Variants in ASTN1 observed in about 807,000 individuals in gnomAD.
The protein encoded by ASTN1 is astrotactin-1.
In ASTN1, 41 loss-of-function variants were observed where a neutral mutation model predicts 140.7. That is an observed-to-expected ratio of 0.29 (90% CI 0.23 to 0.38). The LOEUF (loss-of-function observed/expected upper bound fraction) is 0.38, where lower values mean the gene tolerates loss of function less well. Among genes scored for constraint, ASTN1 ranks in the 10% least tolerant of loss-of-function variants. The pLI is 1.00. For missense variants in ASTN1, 1,479 were observed against 1,678.8 expected, an observed-to-expected ratio of 0.88 and a Z score of 2.08; for synonymous variants, 640 against 652.2, an observed-to-expected ratio of 0.98 and a Z score of 0.29.
chr1:176,974,977 C>T (rs370708221), intron 8 of ASTN1, among the ~76,000 whole-genome samples: 1 of 152,192 alleles, frequency 6.6e-6, no homozygotes, highest in African/African-American at 2.4e-5. Flanking sequence ...CCTTGACTCC[C>T]AGCACCTGTC....
At chr1:176,905,007 A>G (rs1339777132) in intron 16 of ASTN1, among the ~76,000 whole-genome samples, 1 of 152,138 alleles carries the variant, frequency 6.6e-6, no homozygotes, top group East Asian at 1.9e-4. Context: ...TGCTCTCTTT[A>G]TGACTCCATT....
intron 5 of ASTN1, among the ~76,000 whole-genome samples, chr1:177,029,117 G>A (rs1676285973): frequency 6.6e-6 from 1 of 152,186 alleles, no homozygotes. Context: ...AAGGAACTGG[G>A]AGGCTCGGGG....
chr1:176,868,183 A>G (rs937796557), intron 22 of ASTN1, among the ~76,000 whole-genome samples: 3 of 152,202 alleles, frequency 2.0e-5, no homozygotes, highest in African/African-American at 7.2e-5. Flanking sequence ...AAGCAGCAAT[A>G]TACAGTTATG....
At chr1:177,071,033 C>A (rs970700228) in intron 1 of ASTN1, among the ~76,000 whole-genome samples, 4 of 152,166 alleles carry the variant, frequency 2.6e-5, no homozygotes, top group Non-Finnish European at 5.9e-5. Context: ...ATAGCTTCAG[C>A]TGCTTAAACG....
intron 1 of ASTN1, among the ~76,000 whole-genome samples, chr1:177,092,196 A>C (rs758483712): frequency 6.6e-6 from 1 of 152,136 alleles, no homozygotes; most frequent in Non-Finnish European, 1.5e-5. Flanking sequence ...CACTCACCCT[A>C]GAGGCTGTGA....
In ASTN1 at chr1:177,164,678, T is replaced by G. The variant is rs767376193; in HGVS notation, c.-2A>C. ...GGCGCAGAGCCCGGCTAAAGCCATC[T>G]TGAGCCCCGGCCGCCTTCCTCCTAG... On this transcript the variant is annotated 5_prime_UTR_variant, in exon 1 of 23. Coordinates refer to ENST00000361833, the MANE Select transcript of ASTN1 (RefSeq NM_004319.3). 3.2e-6 allele frequency: 5 copies of G among 1,558,542 alleles called. 1 individual carries two copies. The Admixed American group carries it at 1.0e-4, about 31-fold the overall frequency.
chr1:176,967,901 C>A (rs937128957), intron 8 of ASTN1, among the ~76,000 whole-genome samples: 1 of 152,024 alleles, frequency 6.6e-6, no homozygotes, highest in Non-Finnish European at 1.5e-5. Context: ...CAGTGTAGAC[C>A]CCACCCTGAT....
intron 21 of ASTN1, among the ~76,000 whole-genome samples, chr1:176,870,726 A>G (rs1668307280): frequency 6.6e-6 from 1 of 152,240 alleles, no homozygotes; most frequent in Non-Finnish European, 1.5e-5. Flanking sequence ...ACTTTAGTAT[A>G]GAAGTCCACT....
chr1:176,993,518 C>T (rs1674287956), intron 8 of ASTN1, among the ~76,000 whole-genome samples: 1 of 152,070 alleles, frequency 6.6e-6, no homozygotes, highest in Admixed American at 6.5e-5. Flanking sequence ...ACTCCCTTAC[C>T]TCTACAAATC....
chr1:176,894,342 C>T (rs1231128709), intron 17 of ASTN1, among the ~76,000 whole-genome samples: 1 of 152,184 alleles, frequency 6.6e-6, no homozygotes, highest in Non-Finnish European at 1.5e-5. Flanking sequence ...GTTGTGACTC[C>T]TGAATCATAT....
intron 8 of ASTN1, among the ~76,000 whole-genome samples, chr1:177,012,465 C>T (rs1479650031): frequency 6.6e-6 from 1 of 151,970 alleles, no homozygotes; most frequent in Non-Finnish European, 1.5e-5. Context: ...TTATTAGTGT[C>T]CAAAATGAGA....
intron 6 of ASTN1, 109 bp downstream of exon 6, chr1:177,024,474 C>T: frequency 7.2e-7 from 1 of 1,386,668 alleles, no homozygotes; most frequent in East Asian, 2.4e-5. Flanking sequence ...TTGGTTTTCC[C>T]CCGGTAGAGT....
rs755509984 is a variant in ASTN1, at chr1:177,032,789, G to A, written c.532C>T (p.Arg178Trp). Residue 178 changes from arginine (R) to tryptophan (W), a missense_variant, in exon 3 of 23, where the codon CGG (arginine) becomes TGG (tryptophan). Physicochemically the swap from Arg to Trp is moderately radical, Grantham distance 101. Coordinates refer to ENST00000361833, the MANE Select transcript of ASTN1 (RefSeq NM_004319.3). ...ACCCGGCGGCGTTTGCACCAGCGCC[G>A]GCGAGTATACAGGATCATCACCAGG... The part of the protein sequence containing the change: ...LCLVMILYTR[R>W]RWCKRRRVPQ... The A allele has an allele frequency of 3.1e-6, 5 of 1,612,632 alleles. No individual in the cohort carries two copies. The highest frequency in any genetic ancestry group is 1.6e-4 in the Middle Eastern group (1 of 6,082).
At chr1:176,881,909 C>G (rs1489399802) in intron 20 of ASTN1, among the ~76,000 whole-genome samples, 1 of 152,154 alleles carries the variant, frequency 6.6e-6, no homozygotes, top group African/African-American at 2.4e-5. Flanking sequence ...TTCTGGAAAC[C>G]TTGACTCTAT....
intron 8 of ASTN1, among the ~76,000 whole-genome samples, chr1:177,001,875 C>T (rs762580248): frequency 6.6e-6 from 1 of 152,176 alleles, no homozygotes; most frequent in Admixed American, 6.5e-5. Context: ...TTGTGACCAT[C>T]CAACAATGGT....
chr1:176,886,216 G>A (rs905146086), intron 18 of ASTN1, among the ~76,000 whole-genome samples: 1 of 152,202 alleles, frequency 6.6e-6, no homozygotes, highest in Admixed American at 6.5e-5. Context: ...TACTGAAGGA[G>A]GTGATCAGTT....
At chr1:177,101,773 T>C (rs1029869585) in intron 1 of ASTN1, among the ~76,000 whole-genome samples, 2 of 152,180 alleles carry the variant, frequency 1.3e-5, no homozygotes, top group Non-Finnish European at 2.9e-5. Context: ...AATTAGTAGA[T>C]GTCCTATCAG....
intron 16 of ASTN1, among the ~76,000 whole-genome samples, chr1:176,921,622 C>T (rs1202619102): frequency 6.6e-6 from 1 of 152,212 alleles, no homozygotes; most frequent in South Asian, 2.1e-4. Flanking sequence ...TACACAAATG[C>T]ATCTAACCCA....
intron 8 of ASTN1, among the ~76,000 whole-genome samples, chr1:176,977,348 AC>A (rs921383588): frequency 2.0e-5 from 3 of 152,232 alleles, no homozygotes; most frequent in Non-Finnish European, 2.9e-5. Flanking sequence ...ATATAAAAAA[AC>A]ATTTGGCTAA....
Sources: allele counts gnomAD v4.1 joint callset (sites outside exome capture counted in the v4.1 genomes callset), GRCh38; gene constraint gnomAD v4.1.1; transcripts MANE v1.5; gene names NCBI Gene and HGNC (gene_info 2026-07-23, HGNC 2026-07-21).